ABCB1: variants seen among roughly 807,000 people sequenced by gnomAD.
The protein encoded by ABCB1 is ATP binding cassette subfamily B member 1, also known as ATP-dependent translocase ABCB1.
ABCB1 carries 69 observed loss-of-function variants against 142.0 expected under a neutral mutation model. The ratio of observed to expected loss-of-function variants is 0.49; its 90% CI spans 0.40 to 0.59. The LOEUF (loss-of-function observed/expected upper bound fraction) is 0.59. ABCB1 is among the 20% of genes least tolerant of loss of function. The pLI, the probability that ABCB1 is intolerant of heterozygous loss-of-function variation, is 0.00. For synonymous variants in ABCB1, 532 were observed against 539.2 expected (o/e 0.99, Z 0.18); for missense variants, 1,326 against 1,554.7 (o/e 0.85, Z 2.47).
intron 1 of ABCB1, among the ~76,000 whole-genome samples, chr7:87,681,674 T>A (rs1235050593): frequency 6.8e-6 from 1 of 146,058 alleles, no homozygotes; most frequent in Non-Finnish European, 1.5e-5. Flanking sequence ...GCTGACTGAT[T>A]GATGTGCTGG....
rs1215921488 is a variant in ABCB1, at chr7:87,702,165, A to AC, written c.-331+10995_-331+10996insG. 1.4e-3 allele frequency among the ~76,000 whole-genome samples: 207 copies of AC among 149,908 alleles called. 2 individuals are homozygous for AC. The highest frequency in any genetic ancestry group is 4.9e-3 in the African/African-American group (200 of 40,698). On this transcript the variant is annotated intron_variant, in intron 1 of 28. Transcript: ENST00000265724. ...CTCAAAAAAAAAAAAAAAAAAAAAA[A>AC]AAAAAAACAGAGATACTTTTCTCAC...
chr7:87,549,795 A>C, intron 13 of ABCB1, 56 bp downstream of exon 13: 2 of 1,566,926 alleles, frequency 1.3e-6, no homozygotes, highest in African/African-American at 1.4e-5. Flanking sequence ...CCTGCATAGT[A>C]GGCCTGCATT....
At chr7:87,674,271 C>T (rs1161114886) in intron 1 of ABCB1, among the ~76,000 whole-genome samples, 5 of 152,140 alleles carry the variant, frequency 3.3e-5, no homozygotes, top group African/African-American at 1.2e-4. Flanking sequence ...CAGTGATGTA[C>T]ATGCAGGTAC....
chr7:87,547,607 C>T lies in ABCB1; in HGVS notation c.1726-1583G>A, dbSNP rs568765323. Among the ~76,000 whole-genome samples, 5 of 152,050 alleles carry T rather than the reference C, an allele frequency of 3.3e-5. No individual in the cohort carries two copies. In the South Asian group the frequency reaches 6.2e-4, roughly 19 times the overall value. On this transcript the variant is annotated intron_variant, in intron 14 of 27. Transcript: ENST00000622132. ...GCTGGGGGCTGGGCACGGTAGCTCA[C>T]GCGTGTAATCCCAGCACTTTGGGAG...
chr7:87,619,281 C>T (rs1473587290), intron 1 of ABCB1, among the ~76,000 whole-genome samples: 1 of 151,998 alleles, frequency 6.6e-6, no homozygotes, highest in Non-Finnish European at 1.5e-5. Flanking sequence ...GGCTCACACC[C>T]ATAATCTCAG....
intron 1 of ABCB1, among the ~76,000 whole-genome samples, chr7:87,627,271 A>G (rs983274152): frequency 6.6e-6 from 1 of 152,198 alleles, no homozygotes; most frequent in Non-Finnish European, 1.5e-5. Context: ...TAACAGGGAT[A>G]ATATATAAGA....
chr7:87,545,715 TC>T, intron 15 of ABCB1, 147 bp downstream of exon 15: 1 of 797,654 alleles, frequency 1.3e-6, no homozygotes, highest in Non-Finnish European at 1.9e-6. Flanking sequence ...AGAAAAAAAA[TC>T]TTAAACACTG....
intron 26 of ABCB1, 99 bp downstream of exon 26, chr7:87,509,176 T>C (rs1814889261): frequency 7.9e-7 from 1 of 1,272,486 alleles, no homozygotes; most frequent in Non-Finnish European, 1.1e-6. Flanking sequence ...TGGTTGCTAA[T>C]TTCTCTTCAC....
intron 1 of ABCB1, among the ~76,000 whole-genome samples, chr7:87,642,670 G>A (rs562164816): frequency 6.6e-6 from 1 of 151,952 alleles, no homozygotes; most frequent in Admixed American, 6.6e-5. Flanking sequence ...TAGGGTACAT[G>A]TGCATGAAGC....
intron 21 of ABCB1, among the ~76,000 whole-genome samples, chr7:87,524,223 T>C (rs1268246336): frequency 6.6e-6 from 1 of 152,064 alleles, no homozygotes; most frequent in Non-Finnish European, 1.5e-5. Flanking sequence ...AAATTTAAAA[T>C]ATTATTCTTA....
chr7:87,687,444 G>A (rs1275850976), intron 1 of ABCB1, among the ~76,000 whole-genome samples: 2 of 152,064 alleles, frequency 1.3e-5, no homozygotes, highest in African/African-American at 4.8e-5. Context: ...TTTCCCCTGA[G>A]TTACATTAAG....
intron 21 of ABCB1, among the ~76,000 whole-genome samples, chr7:87,528,775 G>A (rs1815907979): frequency 6.6e-6 from 1 of 152,170 alleles, no homozygotes; most frequent in African/African-American, 2.4e-5. Flanking sequence ...CAAGGGCTGC[G>A]AAGTATCATG....
chr7:87,678,442 G>A (rs1006816980), intron 1 of ABCB1, among the ~76,000 whole-genome samples: 23 of 152,128 alleles, frequency 1.5e-4, no homozygotes, highest in Non-Finnish European at 1.9e-4. Context: ...ATTTCATAAA[G>A]TAGTGACTAT....
At chr7:87,588,065 T>C (rs1015307513) in intron 3 of ABCB1, among the ~76,000 whole-genome samples, 1 of 151,860 alleles carries the variant, frequency 6.6e-6, no homozygotes, top group Non-Finnish European at 1.5e-5. Flanking sequence ...CTCTTAATCT[T>C]AGACTAGAAG....
chr7:87,526,515 T>C (rs1429331441), intron 21 of ABCB1, among the ~76,000 whole-genome samples: 1 of 151,500 alleles, frequency 6.6e-6, no homozygotes, highest in Non-Finnish European at 1.5e-5. Context: ...ACCTCATGTC[T>C]ACAAAAAATT....
At chr7:87,510,555 C>T (rs1329878367) in intron 25 of ABCB1, among the ~76,000 whole-genome samples, 1 of 152,254 alleles carries the variant, frequency 6.6e-6, no homozygotes. Flanking sequence ...CTGTTCATCC[C>T]TTCTGAAGAA....
chr7:87,513,200 C>T (rs1264870315), intron 25 of ABCB1, among the ~76,000 whole-genome samples: 1 of 151,466 alleles, frequency 6.6e-6, no homozygotes, highest in Non-Finnish European at 1.5e-5. Flanking sequence ...TACAGAATCA[C>T]AGCTGCAGTG....
At chr7:87,607,116 T>A (rs1385259041) in intron 1 of ABCB1, among the ~76,000 whole-genome samples, 1 of 152,152 alleles carries the variant, frequency 6.6e-6, no homozygotes, top group East Asian at 1.9e-4. Context: ...AGAAAATACA[T>A]GGGAGGCTGA....
At chr7:87,573,086 G>A (rs1211433) in intron 4 of ABCB1, among the ~76,000 whole-genome samples, 93,001 of 152,030 alleles carry the variant, frequency 0.61, 28,708 homozygotes, top group South Asian at 0.76. Flanking sequence ...AAGAAAAAGA[G>A]GTTTAATGCA....
Sources: gnomAD v4.1 joint callset for allele counts (sites outside exome capture counted in the v4.1 genomes callset) on GRCh38, gnomAD v4.1.1 for gene constraint, MANE v1.5 for transcripts, NCBI Gene and HGNC (gene_info 2026-07-23, HGNC 2026-07-21) for gene names.